The following TBL1XR1 variants were observed in gnomAD, a reference collection of about 807,000 sequenced individuals.
TBL1XR1 encodes the protein TBL1X/Y related 1, also known as F-box-like/WD repeat-containing protein TBL1XR1.
TBL1XR1 carries 5 observed loss-of-function variants against 66.9 expected under a neutral mutation model. The ratio of observed to expected loss-of-function variants is 0.07; its 90% CI spans 0.04 to 0.16. The LOEUF (loss-of-function observed/expected upper bound fraction) is 0.16. Ranked by LOEUF, TBL1XR1 falls within the 10% of genes least tolerant of loss-of-function variation. TBL1XR1 has a pLI of 1.00. For synonymous variants in TBL1XR1, 210 were observed against 206.0 expected (o/e 1.02, Z -0.17); for missense variants, 238 against 623.2 (o/e 0.38, Z 6.58).
At chr3:177,028,256 T>C (rs1434539566) in intron 14 of TBL1XR1, among the ~76,000 whole-genome samples, 1 of 152,204 alleles carries the variant, frequency 6.6e-6, no homozygotes, top group Non-Finnish European at 1.5e-5. Context: ...AATGATTTTC[T>C]CCTGCACTGA....
chr3:177,062,593 C>G (rs1312305917), intron 3 of TBL1XR1, among the ~76,000 whole-genome samples: 1 of 152,126 alleles, frequency 6.6e-6, no homozygotes, highest in African/African-American at 2.4e-5. Context: ...CAGGAAGTTA[C>G]AATTTTTACC....
chr3:177,100,992 A>T (rs546838317), intron 1 of TBL1XR1, among the ~76,000 whole-genome samples: 19 of 152,110 alleles, frequency 1.2e-4, no homozygotes, highest in Admixed American at 9.2e-4. Context: ...AGTAACTGGG[A>T]CTACCGGCAC....
At chr3:177,093,235 T>C (rs928886398) in intron 2 of TBL1XR1, among the ~76,000 whole-genome samples, 1 of 151,812 alleles carries the variant, frequency 6.6e-6, no homozygotes, top group African/African-American at 2.4e-5. Flanking sequence ...GCTGCAAAAA[T>C]AAAATAAAAT....
At chr3:177,041,602 T>C (rs1281697060) in intron 10 of TBL1XR1, among the ~76,000 whole-genome samples, 1 of 152,222 alleles carries the variant, frequency 6.6e-6, no homozygotes, top group Non-Finnish European at 1.5e-5. Flanking sequence ...CCGCATGATG[T>C]GTGAACTCTG....
intron 1 of TBL1XR1, among the ~76,000 whole-genome samples, chr3:177,177,092 A>C (rs1235107042): frequency 1.3e-5 from 2 of 152,192 alleles, no homozygotes; most frequent in African/African-American, 4.8e-5. Flanking sequence ...CTTCCCAATC[A>C]ATCAGTCCAC....
chr3:177,045,444 C>T (rs1027927461), intron 10 of TBL1XR1, among the ~76,000 whole-genome samples: 2 of 152,042 alleles, frequency 1.3e-5, no homozygotes, highest in African/African-American at 4.8e-5. Flanking sequence ...ATGGCTGGCT[C>T]TACTCAAGCT....
At chr3:177,038,266 T>TTA in intron 11 of TBL1XR1, 47 bp downstream of exon 11, 4 of 1,595,056 alleles carry the variant, frequency 2.5e-6, no homozygotes, top group Non-Finnish European at 3.4e-6. Flanking sequence ...TTCTGAAACA[T>TTA]TACTTGTTAA....
chr3:177,074,373 C>G (rs1251027060), intron 2 of TBL1XR1, among the ~76,000 whole-genome samples: 2 of 152,164 alleles, frequency 1.3e-5, no homozygotes, highest in South Asian at 4.1e-4. Context: ...TTCCTTCTTT[C>G]CAAAGTCCTT....
chr3:177,077,294 CT>C (rs1388966162), intron 2 of TBL1XR1, among the ~76,000 whole-genome samples: 3 of 152,018 alleles, frequency 2.0e-5, no homozygotes, highest in Admixed American at 2.0e-4. Context: ...TAACTTGAAA[CT>C]TTTTATAAAT....
At chr3:177,054,084 G>A (rs544688705) in intron 3 of TBL1XR1, among the ~76,000 whole-genome samples, 166 bp from the exon 4 acceptor site, 1 of 150,362 alleles carries the variant, frequency 6.7e-6, no homozygotes, top group Non-Finnish European at 1.5e-5. Context: ...GCGCGCGCGT[G>A]TGTGTGCATG....
intron 2 of TBL1XR1, chr3:177,079,833 T>C (rs1180775811): frequency 6.6e-6 from 1 of 150,604 alleles, no homozygotes; most frequent in South Asian, 2.1e-4. Context: ...TCACCCTGTA[T>C]GTGATGTTGC....
chr3:177,078,782 CA>C (rs552391742), intron 2 of TBL1XR1: 13 of 142,600 alleles, frequency 9.1e-5, no homozygotes, highest in Non-Finnish European at 3.1e-5. Context: ...GTCTCTACTA[CA>C]AAAAAAATAC....
chr3:177,026,976 AAAG>A (rs1399933983), intron 14 of TBL1XR1: 1 of 152,596 alleles, frequency 6.6e-6, no homozygotes, highest in African/African-American at 2.4e-5. Context: ...GGGGATTATA[AAAG>A]AAGCTAAAAT....
Position 177,172,633 on chromosome 3 carries a change from A to AAGAGAGAGAGAGAG in TBL1XR1, c.-122+24474_-122+24487dup, listed in dbSNP as rs56803746. 1.2e-3 allele frequency among the ~76,000 whole-genome samples: 144 copies of AAGAGAGAGAGAGAG among 117,630 alleles called. 1 individual carries two copies. Among genetic ancestry groups the AAGAGAGAGAGAGAG allele is most frequent in the Non-Finnish European group, 2.0e-3 (115 of 58,834 alleles). The allele number at this position is 117,630 out of a possible 152,430, so 77.2% of individuals were successfully genotyped here. A position where few individuals can be genotyped will look rare whatever the true frequency, so the allele number is the denominator to read the frequency against. On this transcript the variant is annotated intron_variant, in intron 1 of 15. Transcript: ENST00000457928. ...AAGACCCTCATCTCAAGAAAGAGAG[A>AAGAGAGAGAGAGAG]AGAGAGAGAGAGAGAAAGAGAGAGA...
intron 1 of TBL1XR1, among the ~76,000 whole-genome samples, chr3:177,147,340 T>C (rs529581370): frequency 1.4e-4 from 21 of 152,318 alleles, no homozygotes; most frequent in African/African-American, 4.1e-4. Context: ...TGAGCCACGA[T>C]GCCCGACCAA....
intron 15 of TBL1XR1, chr3:177,025,863 G>A (rs191448465): frequency 1.2e-5 from 4 of 324,324 alleles, no homozygotes; most frequent in East Asian, 7.6e-5. Context: ...TTCAGCTACA[G>A]CATCAGTAAA....
rs960309579 is a variant in TBL1XR1, at chr3:177,023,277, TTG to T, written c.*2219_*2220del. On this transcript the variant is annotated 3_prime_UTR_variant, in exon 16 of 16. Coordinates refer to ENST00000457928, the MANE Select transcript of TBL1XR1 (RefSeq NM_024665.7). ...GCAGCTTAAAAGATACTCAAAACAT[TTG>T]TGTCTATTCCTGGGAGCACATTTTA... 2 of 152,536 alleles carry T rather than the reference TTG, an allele frequency of 1.3e-5. No individual in the cohort carries two copies. The highest frequency in any genetic ancestry group is 2.9e-5 in the Non-Finnish European group (2 of 67,972). 9.4% of individuals were successfully genotyped at this position (152,536 alleles called of 1,614,324 possible). A position where few individuals can be genotyped will look rare whatever the true frequency, so the allele number is the denominator to read the frequency against.
intron 3 of TBL1XR1, among the ~76,000 whole-genome samples, chr3:177,058,013 C>A (rs1451041316): frequency 6.6e-6 from 1 of 152,106 alleles, no homozygotes; most frequent in Non-Finnish European, 1.5e-5. Context: ...ACTGTGTTCT[C>A]AAAGGGGAGT....
chr3:177,198,664 C>A (rs1465239957), upstream of TBL1XR1, among the ~76,000 whole-genome samples: 1 of 152,084 alleles, frequency 6.6e-6, no homozygotes, highest in East Asian at 1.9e-4. Flanking sequence ...GAGAAGCAGC[C>A]ACCCTTTTAC....
Sources: gnomAD v4.1 joint callset for allele counts (sites outside exome capture counted in the v4.1 genomes callset) on GRCh38, gnomAD v4.1.1 for gene constraint, MANE v1.5 for transcripts, NCBI Gene and HGNC (gene_info 2026-07-23, HGNC 2026-07-21) for gene names.